The following HMBOX1 variants were observed in gnomAD, a reference collection of about 807,000 sequenced individuals.
HMBOX1 encodes homeobox containing 1.
HMBOX1 carries 14 observed loss-of-function variants against 54.5 expected under a neutral mutation model. That is an observed-to-expected ratio of 0.26 (90% confidence interval 0.17 to 0.40). The LOEUF is 0.40. Ranked by LOEUF, HMBOX1 falls within the 10% of genes least tolerant of loss-of-function variation. The pLI, the probability that HMBOX1 is intolerant of heterozygous loss-of-function variation, is 1.00. For synonymous variants in HMBOX1, 160 were observed against 181.0 expected (o/e 0.88, Z 0.93); for missense variants, 332 against 514.4 (o/e 0.65, Z 3.43).
chr8:29,013,055 T>G (rs1412364751), intron 5 of HMBOX1, among the ~76,000 whole-genome samples: 1 of 152,234 alleles, frequency 6.6e-6, no homozygotes, highest in African/African-American at 2.4e-5. Flanking sequence ...ATTTAAGCAT[T>G]TAGAAAACAA....
chr8:29,026,043 T>TACACACACACACAC (rs35597688), intron 6 of HMBOX1, among the ~76,000 whole-genome samples: 6 of 143,584 alleles, frequency 4.2e-5, no homozygotes, highest in African/African-American at 1.3e-4. Context: ...TGCTACCATG[T>TACACACACACACAC]ACACACACAC....
intron 5 of HMBOX1, among the ~76,000 whole-genome samples, chr8:29,011,272 G>A (rs868796013): frequency 3.9e-5 from 6 of 152,114 alleles, no homozygotes; most frequent in East Asian, 1.9e-4. Context: ...TAATATTGCC[G>A]CATATTAAGA....
intron 6 of HMBOX1, among the ~76,000 whole-genome samples, chr8:29,040,947 A>G (rs1804719156): frequency 6.6e-6 from 1 of 152,180 alleles, no homozygotes; most frequent in Admixed American, 6.5e-5. Context: ...CAGAGATAGC[A>G]TGGCTTTATC....
chr8:28,926,793 C>A (rs545333997), intron 1 of HMBOX1, among the ~76,000 whole-genome samples: 2 of 152,274 alleles, frequency 1.3e-5, no homozygotes, highest in East Asian at 3.9e-4. Context: ...GATTCTCCCA[C>A]CTTGGCCTCT....
chr8:29,007,405 G>C (rs1328971375), intron 4 of HMBOX1, among the ~76,000 whole-genome samples: 1 of 152,204 alleles, frequency 6.6e-6, no homozygotes, highest in Non-Finnish European at 1.5e-5. Context: ...TCTTAGAAGA[G>C]GCATACAGTG....
chr8:28,928,405 A>G (rs1818921998), intron 1 of HMBOX1, among the ~76,000 whole-genome samples: 1 of 152,206 alleles, frequency 6.6e-6, no homozygotes, highest in Non-Finnish European at 1.5e-5. Context: ...TGAGAGGTCT[A>G]TTGGGAATGC....
intron 6 of HMBOX1, among the ~76,000 whole-genome samples, chr8:29,021,385 ATAAAT>A (rs1196629775): frequency 6.6e-6 from 1 of 152,136 alleles, no homozygotes; most frequent in Non-Finnish European, 1.5e-5. Context: ...ATATGATTAC[ATAAAT>A]TAAAAGAAAA....
At chr8:28,949,806 T>C (rs929495085) in intron 1 of HMBOX1, 1 of 151,958 alleles carries the variant, frequency 6.6e-6, no homozygotes, top group African/African-American at 2.4e-5. Context: ...CAGAAATATA[T>C]GTGTGGTGCT....
chr8:28,931,912 T>A (rs2087235630), intron 1 of HMBOX1, among the ~76,000 whole-genome samples: 2 of 152,144 alleles, frequency 1.3e-5, no homozygotes, highest in South Asian at 4.1e-4. Flanking sequence ...CTGTGTAAGA[T>A]CCTGGGATAG....
intron 1 of HMBOX1, among the ~76,000 whole-genome samples, chr8:28,961,888 CATTTT>C (rs1825655875): frequency 7.0e-6 from 1 of 143,102 alleles, no homozygotes; most frequent in East Asian, 2.0e-4. Context: ...GAATGGGTGT[CATTTT>C]ATTTTTTTTT....
intron 1 of HMBOX1, among the ~76,000 whole-genome samples, chr8:28,904,010 C>T (rs909191264): frequency 8.5e-5 from 13 of 152,184 alleles, no homozygotes; most frequent in Non-Finnish European, 1.6e-4. Context: ...CCGCTCCCAA[C>T]AGATAATTCT....
chr8:28,967,534 G>A (rs1416464775), intron 2 of HMBOX1, among the ~76,000 whole-genome samples: 1 of 152,152 alleles, frequency 6.6e-6, no homozygotes, highest in Non-Finnish European at 1.5e-5. Context: ...ACTGTATATA[G>A]ATAACTAACT....
intron 4 of HMBOX1, 31 bp from the exon 5 acceptor site, chr8:29,009,040 GC>G (rs1833858451): frequency 6.7e-7 from 1 of 1,497,556 alleles, no homozygotes; most frequent in African/African-American, 1.4e-5. Context: ...TAATTTCAGT[GC>G]CCCCCAAAAC....
At chr8:29,049,070 C>G (rs1552471) in intron 9 of HMBOX1, 22 bp downstream of exon 9, 1 of 1,604,254 alleles carries the variant, frequency 6.2e-7, no homozygotes, top group African/African-American at 1.4e-5. Context: ...CGCAGCTGGG[C>G]GAGGTTCTTG....
chr8:28,959,800 A>G (rs1239783308), intron 1 of HMBOX1, among the ~76,000 whole-genome samples: 2 of 152,128 alleles, frequency 1.3e-5, no homozygotes, highest in African/African-American at 4.8e-5. Context: ...CTTTCTATAG[A>G]TTCTTAATTA....
chr8:28,950,916 A>G (rs1402923198), intron 1 of HMBOX1, among the ~76,000 whole-genome samples: 4 of 152,360 alleles, frequency 2.6e-5, no homozygotes, highest in Non-Finnish European at 5.9e-5. Flanking sequence ...ATCAAGACCT[A>G]TAATTCCTGT....
chr8:28,920,983 T>G (rs1817460324), intron 1 of HMBOX1, among the ~76,000 whole-genome samples: 1 of 152,252 alleles, frequency 6.6e-6, no homozygotes, highest in Admixed American at 6.5e-5. Context: ...CTAAATGCAC[T>G]ATAACATTAT....
At chr8:28,946,139 G>C (rs915888703) in intron 1 of HMBOX1, among the ~76,000 whole-genome samples, 9 of 151,902 alleles carry the variant, frequency 5.9e-5, no homozygotes, top group African/African-American at 2.2e-4. Context: ...TTTTAGTAGA[G>C]ATGGGGTTTC....
intron 1 of HMBOX1, among the ~76,000 whole-genome samples, chr8:28,899,433 C>T (rs1812785029): frequency 6.6e-6 from 1 of 152,190 alleles, no homozygotes; most frequent in Non-Finnish European, 1.5e-5. Context: ...CATAGGCACC[C>T]TCTATCTATA....
Sources: allele counts gnomAD v4.1 joint callset (sites outside exome capture counted in the v4.1 genomes callset), GRCh38; gene constraint gnomAD v4.1.1; transcripts MANE v1.5; gene names NCBI Gene and HGNC (gene_info 2026-07-23, HGNC 2026-07-21).